Variants in PPEF1 observed in about 807,000 individuals in gnomAD.
PPEF1 encodes protein phosphatase with EF-hand domain 1.
Under a neutral mutation model 53.3 loss-of-function variants are expected in PPEF1, and 12 were observed. That is an observed-to-expected ratio of 0.23 (90% confidence interval 0.14 to 0.36). PPEF1 has a LOEUF of 0.36. Among genes scored for constraint, PPEF1 ranks in the 10% least tolerant of loss-of-function variants. The pLI is 1.00. For missense variants in PPEF1, 334 were observed against 490.4 expected, an observed-to-expected ratio of 0.68 and a Z score of 3.01; for synonymous variants, 165 against 176.7, an observed-to-expected ratio of 0.93 and a Z score of 0.52.
chrX:18,685,292 C>T (rs891565129), intron 2 of PPEF1, among the ~76,000 whole-genome samples: 4 of 112,106 alleles, frequency 3.6e-5, no homozygotes, highest in Non-Finnish European at 5.6e-5. Flanking sequence ...AGTCCTAAGG[C>T]CATCTACAGT....
chrX:18,795,341 G>A (rs1488379635), intron 10 of PPEF1, among the ~76,000 whole-genome samples: 1 of 111,974 alleles, frequency 8.9e-6, no homozygotes, highest in Non-Finnish European at 1.9e-5. Context: ...TTAAATGGTT[G>A]TTTCACTGGG....
intron 5 of PPEF1, among the ~76,000 whole-genome samples, chrX:18,698,824 A>G (rs1208950350): frequency 1.8e-5 from 2 of 111,896 alleles, no homozygotes; most frequent in African/African-American, 6.5e-5. Flanking sequence ...GCCAAGAGGA[A>G]TGAAACAGAT....
intron 13 of PPEF1, among the ~76,000 whole-genome samples, 172 bp downstream of exon 13, chrX:18,818,317 C>T (rs1399288068): frequency 9.0e-6 from 1 of 110,596 alleles, no homozygotes; most frequent in Non-Finnish European, 1.9e-5. Flanking sequence ...CATATTTCTC[C>T]CTTTTAGCAA....
At chrX:18,749,753 C>G (rs1413398669) in intron 3 of PPEF1, 39 bp from the exon 4 acceptor site, 1 of 135,331 alleles carries the variant, frequency 7.4e-6, no homozygotes, top group South Asian at 1.3e-4. Context: ...TGATTCCCAC[C>G]CCCACCCCCA....
intron 1 of PPEF1, among the ~76,000 whole-genome samples, chrX:18,720,930 C>T (rs1224565830): frequency 9.0e-6 from 1 of 111,228 alleles, no homozygotes; most frequent in Non-Finnish European, 1.9e-5. Flanking sequence ...TGGAAAAGCC[C>T]CACCTCTGGA....
At chrX:18,741,572 C>T (rs965568725) in intron 3 of PPEF1, among the ~76,000 whole-genome samples, 1 of 110,549 alleles carries the variant, frequency 9.0e-6, no homozygotes, top group Non-Finnish European at 1.9e-5. Context: ...TAAACACACC[C>T]ATGTAACTGG....
In PPEF1 at chrX:18,821,149, G is replaced by A. The variant is rs1008987920; in HGVS notation, c.1502-2774G>A. Among the ~76,000 whole-genome samples the A allele has an allele frequency of 1.2e-4, 13 of 105,589 alleles. No homozygotes were observed. The South Asian group carries it at 2.3e-3, about 18-fold the overall frequency. 91.7% of individuals were successfully genotyped at this position (105,589 alleles called of 115,157 possible). On this transcript the variant is annotated intron_variant, in intron 13 of 15. Coordinates refer to ENST00000470157, the MANE Select transcript of PPEF1 (RefSeq NM_001377996.1). ...GAGGCAGGAGAATGGCATGAACCCA[G>A]GAGGCGCAGCTTGCAGTGAGCCGAG...
intron 3 of PPEF1, among the ~76,000 whole-genome samples, chrX:18,744,331 C>T (rs1254256697): frequency 2.7e-5 from 3 of 111,991 alleles, no homozygotes; most frequent in Non-Finnish European, 5.6e-5. Context: ...ACCCTGGAAG[C>T]AGTCATACTT....
At chrX:18,714,346 A>G (rs1212864296) in intron 1 of PPEF1, among the ~76,000 whole-genome samples, 1 of 98,940 alleles carries the variant, frequency 1.0e-5, no homozygotes, top group Non-Finnish European at 2.0e-5. Context: ...ATCTCGGCTC[A>G]CTGCACCCTT....
At chrX:18,748,051 G>A (rs189564627) in intron 3 of PPEF1, among the ~76,000 whole-genome samples, 4 of 111,897 alleles carry the variant, frequency 3.6e-5, no homozygotes, top group Admixed American at 9.6e-5. Context: ...CCTACGTAAT[G>A]AATCTGAGAT....
At chrX:18,723,416 A>C (rs1387885134) in intron 1 of PPEF1, among the ~76,000 whole-genome samples, 1 of 112,164 alleles carries the variant, frequency 8.9e-6, no homozygotes, top group African/African-American at 3.2e-5. Flanking sequence ...TTCCTATATG[A>C]CAGGCAATAT....
upstream of PPEF1, among the ~76,000 whole-genome samples, chrX:18,679,830 C>T (rs1928809991): frequency 9.0e-6 from 1 of 111,580 alleles, no homozygotes; most frequent in African/African-American, 3.3e-5. Flanking sequence ...GTTGATCATG[C>T]TTGTAATCCC....
At chrX:18,709,746 C>T (rs916094005) in intron 1 of PPEF1, among the ~76,000 whole-genome samples, 1 of 111,292 alleles carries the variant, frequency 9.0e-6, no homozygotes, top group African/African-American at 3.3e-5. Context: ...GATCTGCCCG[C>T]CTCGGCCTCC....
intron 12 of PPEF1, among the ~76,000 whole-genome samples, chrX:18,817,488 C>T (rs2046944674): frequency 1.8e-5 from 2 of 110,437 alleles, no homozygotes; most frequent in East Asian, 2.8e-4. Context: ...ACTACAGGCA[C>T]GTGCCACCAT....
At chrX:18,705,711 T>C (rs189061155), upstream of PPEF1, among the ~76,000 whole-genome samples, 12 of 110,976 alleles carry the variant, frequency 1.1e-4, no homozygotes, top group East Asian at 3.4e-3. Flanking sequence ...CGAGACCTTG[T>C]CTCAAAAAAT....
intron 10 of PPEF1, among the ~76,000 whole-genome samples, chrX:18,792,621 T>C (rs2046343583): frequency 8.9e-6 from 1 of 111,845 alleles, no homozygotes; most frequent in Admixed American, 9.5e-5. Context: ...GAACCAACTT[T>C]TAGTTTTATT....
intron 3 of PPEF1, among the ~76,000 whole-genome samples, chrX:18,745,622 T>C (rs1175923775): frequency 1.8e-5 from 2 of 111,516 alleles, no homozygotes; most frequent in South Asian, 7.5e-4. Context: ...TCTTATTGCA[T>C]TGGCCAAAGA....
intron 3 of PPEF1, among the ~76,000 whole-genome samples, chrX:18,737,470 T>C (rs1371934433): frequency 8.9e-6 from 1 of 112,215 alleles, no homozygotes; most frequent in African/African-American, 3.2e-5. Flanking sequence ...CTAGTTTGAT[T>C]GCACTGTGGT....
chrX:18,692,366 C>T (rs1929444689), intron 4 of PPEF1, among the ~76,000 whole-genome samples: 1 of 112,240 alleles, frequency 8.9e-6, no homozygotes, highest in Non-Finnish European at 1.9e-5. Context: ...GAAACCATGT[C>T]TATCTTGTCC....
Sources: allele counts gnomAD v4.1 joint callset (sites outside exome capture counted in the v4.1 genomes callset), GRCh38; gene constraint gnomAD v4.1.1; transcripts MANE v1.5; gene names NCBI Gene and HGNC (gene_info 2026-07-23, HGNC 2026-07-21).